The following FANK1 variants were observed in gnomAD, a reference collection of about 807,000 sequenced individuals.
FANK1 encodes the protein fibronectin type 3 and ankyrin repeat domains protein 1.
FANK1 carries 44 observed loss-of-function variants against 45.3 expected under a neutral mutation model. The observed-to-expected ratio is 0.97, with a 90% CI of 0.76 to 1.25. The LOEUF (loss-of-function observed/expected upper bound fraction) is 1.25, where lower values mean the gene tolerates loss of function less well. Ranked by LOEUF, FANK1 falls within the 50% of genes most tolerant of loss-of-function variation. The pLI is 0.00. For missense variants in FANK1, 391 were observed against 424.4 expected (o/e 0.92, Z 0.69); for synonymous variants, 149 against 152.5 (o/e 0.98, Z 0.17).
rs911275099 is a variant in FANK1, at chr10:126,008,648, A to G, written c.849+98A>G. 11 of 1,409,490 alleles carry G rather than the reference A, an allele frequency of 7.8e-6. No individual in the cohort carries two copies. In the African/African-American group the frequency reaches 1.6e-4, roughly 20 times the overall value. The allele number at this position is 1,409,490 out of a possible 1,614,324, so 87.3% of individuals were successfully genotyped here. On this transcript the variant is annotated intron_variant, in intron 8 of 10. Transcript: ENST00000368693. ...ATTCTTGTGAGTTCAGCCCTGCACC[A>G]GCCCTTGGGTTTGACTGTGTGTGTG... is the stretch of plus-strand genomic sequence containing the variant.
At chr10:125,931,105 C>T (rs1217566714) in intron 1 of FANK1, among the ~76,000 whole-genome samples, 2 of 152,170 alleles carry the variant, frequency 1.3e-5, no homozygotes, top group Non-Finnish European at 2.9e-5. Context: ...GTTTATTTGT[C>T]TACTTGTTGA....
chr10:125,985,870 C>A (rs1162548213), intron 2 of FANK1, among the ~76,000 whole-genome samples: 6 of 152,176 alleles, frequency 3.9e-5, no homozygotes, highest in African/African-American at 1.2e-4. Context: ...GCTTTTTCAT[C>A]TCCTTTGTGG....
At chr10:125,985,850 G>T (rs1393380949) in intron 2 of FANK1, among the ~76,000 whole-genome samples, 1 of 152,188 alleles carries the variant, frequency 6.6e-6, no homozygotes, top group Non-Finnish European at 1.5e-5. Flanking sequence ...GACAGCAGGA[G>T]ACTGGCTGGG....
chr10:125,957,103 C>T (rs967795013), intron 1 of FANK1, among the ~76,000 whole-genome samples: 75 of 152,286 alleles, frequency 4.9e-4, no homozygotes, highest in African/African-American at 1.8e-3. Context: ...GATCTGCCTG[C>T]CTTGGCCTCC....
intron 1 of FANK1, among the ~76,000 whole-genome samples, chr10:125,956,598 G>A (rs1169792951): frequency 6.6e-6 from 1 of 152,096 alleles, no homozygotes; most frequent in Non-Finnish European, 1.5e-5. Context: ...TTATTGTATA[G>A]GTTTTTAATA....
rs565561135 is a variant in FANK1, at chr10:125,927,987, C to T, written c.13+31332C>T. Among the ~76,000 whole-genome samples, 23 of 152,306 alleles carry T rather than the reference C, an allele frequency of 1.5e-4. 1 individual carries two copies. The highest frequency in any genetic ancestry group is 4.8e-4 in the African/African-American group (20 of 41,564). On this transcript the variant is annotated intron_variant, in intron 1 of 10. Transcript: ENST00000368693. Reference sequence around the variant, plus strand: ...ATTTTGCAGTGGCTATATCAGTTTACACTCTGCCAGCTGTGGATGAATGTT... The same window carrying T: ...ATTTTGCAGTGGCTATATCAGTTTATACTCTGCCAGCTGTGGATGAATGTT...
chr10:125,912,618 T>C (rs1731719613), intron 1 of FANK1, among the ~76,000 whole-genome samples: 2 of 152,154 alleles, frequency 1.3e-5, no homozygotes, highest in Non-Finnish European at 2.9e-5. Context: ...CTACTTAATA[T>C]ATAGTGCTTA....
At chr10:125,945,021 A>C (rs1460519065) in intron 1 of FANK1, among the ~76,000 whole-genome samples, 1 of 152,206 alleles carries the variant, frequency 6.6e-6, no homozygotes. Flanking sequence ...TGTTCTTCTT[A>C]GTACTTCAGC....
intron 1 of FANK1, among the ~76,000 whole-genome samples, chr10:125,945,409 C>T (rs188477248): frequency 4.9e-4 from 75 of 152,266 alleles, no homozygotes; most frequent in African/African-American, 1.6e-3. Context: ...GTGCGCAAGC[C>T]GAAGCAGGGC....
At chr10:125,946,871 G>A (rs1187062952) in intron 1 of FANK1, among the ~76,000 whole-genome samples, 10 of 145,162 alleles carry the variant, frequency 6.9e-5, no homozygotes, top group East Asian at 2.0e-4. Context: ...GAGAAAGGTC[G>A]GGTTACCCTC....
intron 1 of FANK1, among the ~76,000 whole-genome samples, chr10:125,960,960 A>G (rs1206979258): frequency 6.6e-6 from 1 of 152,220 alleles, no homozygotes; most frequent in African/African-American, 2.4e-5. Flanking sequence ...AGAAAGCTGG[A>G]GGTATACACT....
chr10:125,945,507 C>T lies in FANK1; in HGVS notation c.14-34654C>T, dbSNP rs1016143596. ...GGGGTGACAGACGCACCTGGAAAAT[C>T]GGGTCACTCCCACCCGAATATTGTG... On this transcript the variant is annotated intron_variant, in intron 1 of 10. Transcript: ENST00000368693. Among the ~76,000 whole-genome samples the T allele has an allele frequency of 2.6e-5, 4 of 152,286 alleles. 1 individual carries two copies. Among genetic ancestry groups the T allele is most frequent in the East Asian group, 1.9e-4 (1 of 5,172 alleles).
At chr10:125,999,459 C>T (rs1280487898) in intron 6 of FANK1, among the ~76,000 whole-genome samples, 1 of 152,190 alleles carries the variant, frequency 6.6e-6, no homozygotes, top group Non-Finnish European at 1.5e-5. Context: ...AGGTTACTTT[C>T]AGCCTTTGAA....
intron 1 of FANK1, among the ~76,000 whole-genome samples, chr10:125,899,608 T>G (rs1385982922): frequency 3.3e-5 from 5 of 152,224 alleles, no homozygotes; most frequent in Admixed American, 6.5e-5. Flanking sequence ...AAATGATCTT[T>G]GAGGTTTCTT....
chr10:125,953,410 G>T (rs1465056909), intron 1 of FANK1, among the ~76,000 whole-genome samples: 1 of 152,172 alleles, frequency 6.6e-6, no homozygotes, highest in Non-Finnish European at 1.5e-5. Context: ...AGTCACCTCA[G>T]GGTGACTGAT....
chr10:125,961,539 A>G (rs1236758044), intron 1 of FANK1, among the ~76,000 whole-genome samples: 1 of 152,180 alleles, frequency 6.6e-6, no homozygotes, highest in Non-Finnish European at 1.5e-5. Flanking sequence ...CTCTCACCCT[A>G]TATGAAAATA....
Position 125,980,266 on chromosome 10 carries a change from C to A in FANK1, c.119C>A (p.Pro40His). The change falls in exon 2 of 11, where the codon CCT (proline) becomes CAT (histidine). Residue 40 changes from proline to histidine, a missense_variant. Pro to His is a moderately conservative substitution (Grantham distance 77). Coordinates refer to ENST00000368693, the MANE Select transcript of FANK1 (RefSeq NM_145235.5). The part of the protein sequence containing the change: ...DLEKKAKRQG[P>H]QEQWFRFSIE... ...GAAAAGAAAGCCAAACGCCAAGGACCTCAAGAGCAGTGGTTCAGGTTCTCG... is the reference window on the plus strand; with the variant it reads ...GAAAAGAAAGCCAAACGCCAAGGACATCAAGAGCAGTGGTTCAGGTTCTCG... 6.2e-7 allele frequency: 1 copy of A among 1,614,142 alleles called. No homozygotes were observed. Among genetic ancestry groups the A allele is most frequent in the Non-Finnish European group, 8.5e-7 (1 of 1,180,032 alleles).
intron 1 of FANK1, among the ~76,000 whole-genome samples, chr10:125,935,891 A>G (rs986891626): frequency 2.6e-5 from 4 of 152,070 alleles, no homozygotes; most frequent in Non-Finnish European, 4.4e-5. Flanking sequence ...ACTTGCATAA[A>G]TGTCTTGCTA....
intron 1 of FANK1, among the ~76,000 whole-genome samples, chr10:125,902,744 CTT>C (rs1945151177): frequency 6.8e-6 from 1 of 147,672 alleles, no homozygotes; most frequent in South Asian, 2.2e-4. Context: ...ACCTAAAAAT[CTT>C]TACACTCCCA....
Sources: gnomAD v4.1 joint callset for allele counts (sites outside exome capture counted in the v4.1 genomes callset) on GRCh38, gnomAD v4.1.1 for gene constraint, MANE v1.5 for transcripts, NCBI Gene and HGNC (gene_info 2026-07-23, HGNC 2026-07-21) for gene names.